The following CSGALNACT1 variants were observed in gnomAD, a reference collection of about 807,000 sequenced individuals.
CSGALNACT1 encodes beta4GalNAcT-1.
A neutral mutation model predicts 51.0 loss-of-function variants in CSGALNACT1; 52 were observed. That is an observed-to-expected ratio of 1.02 (90% CI 0.82 to 1.29). The LOEUF is 1.29. Among genes scored for constraint, CSGALNACT1 ranks in the 50% most tolerant of loss-of-function variants. The probability of loss-of-function intolerance (pLI) is 0.00; values close to 1 mark genes in which losing one functional copy is unlikely to be tolerated. For missense variants in CSGALNACT1, 935 were observed against 679.2 expected (o/e 1.38, Z -4.19); for synonymous variants, 341 against 254.4 (o/e 1.34, Z -3.24).
chr8:19,662,059 C>CT (rs2058787332), intron 1 of CSGALNACT1, among the ~76,000 whole-genome samples: 1 of 25,592 alleles, frequency 3.9e-5, no homozygotes, highest in African/African-American at 1.2e-4. Context: ...ATTACAGTTG[C>CT]CCCCACCCCC....
chr8:19,507,925 C>A (rs1210993129), intron 3 of CSGALNACT1, among the ~76,000 whole-genome samples: 1 of 152,244 alleles, frequency 6.6e-6, no homozygotes, highest in Admixed American at 6.5e-5. Context: ...CCGTGCCCGG[C>A]CCTCCTAGAT....
intron 4 of CSGALNACT1, among the ~76,000 whole-genome samples, chr8:19,502,082 C>T (rs751007622): frequency 1.1e-4 from 17 of 152,168 alleles, no homozygotes; most frequent in Non-Finnish European, 1.9e-4. Flanking sequence ...CTGCAAGCTT[C>T]GCAGAACTGT....
chr8:19,481,461 G>A (rs376266518), intron 4 of CSGALNACT1, among the ~76,000 whole-genome samples: 22 of 152,276 alleles, frequency 1.4e-4, no homozygotes, highest in African/African-American at 4.8e-4. Flanking sequence ...GTGGACAGGA[G>A]TGACTTTATA....
intron 1 of CSGALNACT1, among the ~76,000 whole-genome samples, chr8:19,673,590 G>C (rs539907998): frequency 1.9e-3 from 296 of 152,160 alleles, no homozygotes; most frequent in African/African-American, 6.8e-3. Flanking sequence ...AATTCCCATC[G>C]CTATCCTGAG....
intron 1 of CSGALNACT1, among the ~76,000 whole-genome samples, chr8:19,612,537 C>A (rs1157560903): frequency 6.6e-6 from 1 of 151,970 alleles, no homozygotes; most frequent in Non-Finnish European, 1.5e-5. Flanking sequence ...AGGAGGGTCC[C>A]GCAACCAGTG....
chr8:19,691,253 C>T (rs2061300910), intron 1 of CSGALNACT1, among the ~76,000 whole-genome samples: 1 of 152,150 alleles, frequency 6.6e-6, no homozygotes, highest in African/African-American at 2.4e-5. Flanking sequence ...AAGCTGGGTT[C>T]CTGGGAAGTT....
rs549964145 is a variant in CSGALNACT1, at chr8:19,700,340, T to C, written c.-297+57510A>G. Among the ~76,000 whole-genome samples, 148 of 152,202 alleles carry C rather than the reference T, an allele frequency of 9.7e-4. 1 individual carries two copies. The highest frequency in any genetic ancestry group is 3.5e-3 in the African/African-American group (145 of 41,536). ...ACTGTGACTTGAGGTTAGGAAGTCA[T>C]TATAATGTGTTGCCATGGTGTCCTT... On this transcript the variant is annotated intron_variant, in intron 1 of 1. Coordinates refer to the CSGALNACT1 transcript ENST00000517494.
At chr8:19,631,602 T>G (rs371997257) in intron 1 of CSGALNACT1, among the ~76,000 whole-genome samples, 17 of 152,356 alleles carry the variant, frequency 1.1e-4, no homozygotes, top group African/African-American at 4.1e-4. Flanking sequence ...GAAAGGCTGA[T>G]ATTACTTACT....
intron 3 of CSGALNACT1, among the ~76,000 whole-genome samples, chr8:19,550,019 T>C (rs142084878): frequency 1.8e-3 from 270 of 152,330 alleles, no homozygotes; most frequent in African/African-American, 6.3e-3. Flanking sequence ...GTTGGTCTTT[T>C]TTCTTCCATT....
At chr8:19,483,868 T>C (rs1010543996) in intron 4 of CSGALNACT1, among the ~76,000 whole-genome samples, 1 of 152,216 alleles carries the variant, frequency 6.6e-6, no homozygotes, top group Non-Finnish European at 1.5e-5. Context: ...TTAATAGACA[T>C]ATACCTCAAT....
At chr8:19,603,912 TGAA>T (rs373702387), upstream of CSGALNACT1, among the ~76,000 whole-genome samples, 107 of 152,340 alleles carry the variant, frequency 7.0e-4, 2 homozygotes, top group African/African-American at 2.4e-3. Context: ...TCCAGCAACT[TGAA>T]GAACTGTTCA....
At chr8:19,640,844 A>C (rs1040858444) in intron 1 of CSGALNACT1, among the ~76,000 whole-genome samples, 3 of 152,204 alleles carry the variant, frequency 2.0e-5, no homozygotes, top group Non-Finnish European at 4.4e-5. Flanking sequence ...TGTATTTCAG[A>C]AAGTAGAATT....
At chr8:19,555,096 G>A (rs67389428) in intron 3 of CSGALNACT1, among the ~76,000 whole-genome samples, 58 of 151,638 alleles carry the variant, frequency 3.8e-4, no homozygotes, top group African/African-American at 1.2e-3. Context: ...AAAATTAGCC[G>A]GGCGTGGTGC....
intron 1 of CSGALNACT1, among the ~76,000 whole-genome samples, chr8:19,667,516 C>T (rs1395596117): frequency 2.7e-5 from 4 of 148,048 alleles, no homozygotes; most frequent in Non-Finnish European, 4.5e-5. Context: ...CTTCTCACAA[C>T]GGTAAGAGAA....
chr8:19,657,090 A>T (rs1221514247), intron 1 of CSGALNACT1, among the ~76,000 whole-genome samples: 1 of 151,196 alleles, frequency 6.6e-6, no homozygotes, highest in Non-Finnish European at 1.5e-5. Context: ...AAAGGAAAAC[A>T]AATAAAACCA....
At chr8:19,685,058 A>G (rs1313259792), upstream of CSGALNACT1, among the ~76,000 whole-genome samples, 3 of 152,158 alleles carry the variant, frequency 2.0e-5, no homozygotes, top group Non-Finnish European at 2.9e-5. Flanking sequence ...ATTTATGACT[A>G]TGGTAAAGAG....
rs146443747 is a variant in CSGALNACT1 at position 19,433,651 on chromosome 8, C to T, written c.953+6179G>A. ...TTGTGAGTGGTGTCTTCCGAGGAAC[C>T]TCCGGACAGTTCAAATAGTGACAAC... On this transcript the variant is annotated intron_variant, in intron 6 of 9. Transcript: ENST00000454498. Among the ~76,000 whole-genome samples the T allele has an allele frequency of 2.7e-3, 404 of 152,272 alleles. 7 individuals are homozygous for T. The South Asian group carries it at 0.039, about 15-fold the overall frequency.
At chr8:19,495,300 T>G (rs2075256617) in intron 4 of CSGALNACT1, 1 of 152,196 alleles carries the variant, frequency 6.6e-6, no homozygotes, top group African/African-American at 2.4e-5. Context: ...AGTCCTCTAT[T>G]TACAAATGGG....
intron 4 of CSGALNACT1, among the ~76,000 whole-genome samples, chr8:19,504,017 G>C (rs2076867087): frequency 6.6e-6 from 1 of 152,170 alleles, no homozygotes; most frequent in Admixed American, 6.5e-5. Context: ...TGAGACAGTG[G>C]TTGTATAACC....
Sources: allele counts gnomAD v4.1 joint callset (sites outside exome capture counted in the v4.1 genomes callset), GRCh38; gene constraint gnomAD v4.1.1; transcripts MANE v1.5; gene names NCBI Gene and HGNC (gene_info 2026-07-23, HGNC 2026-07-21).